EOGT: variants seen among roughly 807,000 people sequenced by gnomAD.
The protein encoded by EOGT is EGF domain specific O-linked N-acetylglucosamine transferase, also known as EGF domain-specific O-linked N-acetylglucosamine transferase.
In EOGT, 55 loss-of-function variants were observed where a neutral mutation model predicts 70.5. That is an observed-to-expected ratio of 0.78 (90% CI 0.63 to 0.98). The LOEUF (loss-of-function observed/expected upper bound fraction) is 0.98, where lower values mean the gene tolerates loss of function less well. Ranked by LOEUF, EOGT falls within the 50% of genes least tolerant of loss-of-function variation. The pLI is 0.00. For missense variants in EOGT, 703 were observed against 641.9 expected (o/e 1.10, Z -1.03); for synonymous variants, 246 against 217.1 (o/e 1.13, Z -1.17).
At chr3:69,004,933 C>T (rs1006979498) in intron 7 of EOGT, among the ~76,000 whole-genome samples, 9 of 151,844 alleles carry the variant, frequency 5.9e-5, no homozygotes, top group South Asian at 4.2e-4. Flanking sequence ...CCTGGCGGTG[C>T]GCTTCTGTAT....
At chr3:68,999,168 G>A (rs1418288478) in intron 9 of EOGT, among the ~76,000 whole-genome samples, 2 of 152,168 alleles carry the variant, frequency 1.3e-5, no homozygotes, top group African/African-American at 2.4e-5. Context: ...AGTTACCTAA[G>A]TGCCAGCTTT....
Position 69,007,800 on chromosome 3 carries a change from A to T in EOGT, c.333T>A (p.Ala111=). 1 of 1,612,326 alleles carries T rather than the reference A, an allele frequency of 6.2e-7. No individual in the cohort carries two copies. The highest frequency in any genetic ancestry group is 1.1e-5 in the South Asian group (1 of 90,940). ...CAGCTTGTTTCCAAAATATGTCCTC[A>T]GCTGACTCAAGAGTGTCCGTCCTAT... ...DMGWTDTLES[A]EDIFWKQADF... is the part of the protein sequence containing the mutation. The change falls in exon 6 of 18, where the codon GCT becomes GCA. Residue 111 remains alanine (A), a synonymous_variant. Transcript: ENST00000383701.
intron 8 of EOGT, among the ~76,000 whole-genome samples, chr3:69,002,496 A>G (rs1169804653): frequency 6.6e-6 from 1 of 152,246 alleles, no homozygotes; most frequent in Admixed American, 6.5e-5. Flanking sequence ...ACTTGAATAT[A>G]GAAACTACCT....
At chr3:69,006,850 T>A (rs1053168541) in intron 6 of EOGT, among the ~76,000 whole-genome samples, 11 of 152,228 alleles carry the variant, frequency 7.2e-5, no homozygotes, top group Admixed American at 2.6e-4. Flanking sequence ...GATGTGTAAT[T>A]AATTTTAAAA....
At chr3:68,992,573 T>C (rs1317119213) in intron 10 of EOGT, among the ~76,000 whole-genome samples, 1 of 152,180 alleles carries the variant, frequency 6.6e-6, no homozygotes, top group Non-Finnish European at 1.5e-5. Flanking sequence ...TCTGCGGCTC[T>C]TCCAGGTGCA....
At chr3:69,005,061 CAA>C (rs11320020) in intron 7 of EOGT, 77 bp downstream of exon 7, 104,109 of 645,888 alleles carry the variant, frequency 0.16, 23 homozygotes, top group Middle Eastern at 0.22. Flanking sequence ...GACCCTGTCT[CAA>C]AAAAAAAAAA....
intron 4 of EOGT, among the ~76,000 whole-genome samples, chr3:69,009,332 T>C (rs1214332093): frequency 6.6e-6 from 1 of 152,210 alleles, no homozygotes; most frequent in Non-Finnish European, 1.5e-5. Context: ...GTGAAATTCT[T>C]TAGTTACTTT....
chr3:68,986,315 A>G (rs2090806254), intron 14 of EOGT, among the ~76,000 whole-genome samples: 1 of 152,108 alleles, frequency 6.6e-6, no homozygotes, highest in South Asian at 2.1e-4. Flanking sequence ...GATTCCAGGG[A>G]TTTGGATGTG....
chr3:68,994,356 C>T (rs141050348), intron 10 of EOGT, among the ~76,000 whole-genome samples: 33 of 152,058 alleles, frequency 2.2e-4, no homozygotes, highest in Non-Finnish European at 3.4e-4. Context: ...AAAGAGAGTC[C>T]TGCAAGGGAC....
intron 6 of EOGT, 66 bp downstream of exon 6, chr3:69,007,647 G>A (rs959472393): frequency 2.1e-5 from 23 of 1,104,998 alleles, no homozygotes; most frequent in East Asian, 8.3e-5. Context: ...CAGAAACTCC[G>A]TCTCAAAAAT....
chr3:69,003,384 G>A (rs140906943), intron 8 of EOGT, among the ~76,000 whole-genome samples: 10 of 152,248 alleles, frequency 6.6e-5, no homozygotes, highest in African/African-American at 1.9e-4. Flanking sequence ...GGAGGCACCC[G>A]GTGGGAGGTA....
chr3:68,977,425 T>C lies in EOGT; in HGVS notation c.*193A>G. On this transcript the variant is annotated 3_prime_UTR_variant, in exon 18 of 18. Transcript: ENST00000383701. The stretch of plus-strand genomic sequence containing the variant: ...TTCAGTGCAAAATTATTGCTATTGA[T>C]AAATAGCAATGACACAAAAACCACA... 1 of 541,368 alleles carries C rather than the reference T, an allele frequency of 1.8e-6. No homozygotes were observed. The highest frequency in any genetic ancestry group is 3.1e-6 in the Non-Finnish European group (1 of 323,222). 33.5% of individuals were successfully genotyped at this position (541,368 alleles called of 1,614,324 possible). A position where few individuals can be genotyped will look rare whatever the true frequency, so the allele number is the denominator to read the frequency against.
At chr3:68,991,410 A>C (rs1379732874) in intron 10 of EOGT, among the ~76,000 whole-genome samples, 1 of 152,248 alleles carries the variant, frequency 6.6e-6, no homozygotes, top group Non-Finnish European at 1.5e-5. Flanking sequence ...TTGAAAGGAC[A>C]TATGTGTTTA....
intron 3 of EOGT, among the ~76,000 whole-genome samples, chr3:69,010,215 C>T (rs1015393770): frequency 4.6e-5 from 7 of 152,192 alleles, no homozygotes; most frequent in African/African-American, 1.2e-4. Context: ...GCAAACTTTT[C>T]CTGTAAAGGA....
chr3:68,992,988 C>T (rs1412916588), intron 10 of EOGT, among the ~76,000 whole-genome samples: 5 of 152,208 alleles, frequency 3.3e-5, no homozygotes, highest in Admixed American at 3.3e-4. Context: ...CTGCATACAG[C>T]ATGGGGACCC....
chr3:68,988,922 T>C lies in EOGT; in HGVS notation c.924+3A>G. 1 of 1,488,920 alleles carries C rather than the reference T, an allele frequency of 6.7e-7. No homozygotes were observed. The highest frequency in any genetic ancestry group is 9.0e-7 in the Non-Finnish European group (1 of 1,111,238). 92.2% of individuals were successfully genotyped at this position (1,488,920 alleles called of 1,614,324 possible). A position where few individuals can be genotyped will look rare whatever the true frequency, so the allele number is the denominator to read the frequency against. ...ACAGACATTTCAGGAAAATTTCCAG[T>C]ACCCTTTTGGAATCATAAGTTTTCA... On this transcript the variant is annotated splice_donor_region_variant and intron_variant, in intron 11 of 17. Transcript: ENST00000383701.
At chr3:69,002,139 C>A (rs1456540689) in intron 8 of EOGT, among the ~76,000 whole-genome samples, 1 of 152,114 alleles carries the variant, frequency 6.6e-6, no homozygotes, top group African/African-American at 2.4e-5. Flanking sequence ...TTGCAGTGAG[C>A]CGAGATGGTG....
intron 3 of EOGT, 80 bp downstream of exon 3, chr3:69,011,856 T>G (rs1297474115): frequency 1.3e-5 from 2 of 152,176 alleles, no homozygotes. Context: ...TATCCAAGAA[T>G]GAGTTGACAG....
Position 68,976,194 on chromosome 3 carries a change from G to A in EOGT, c.*1424C>T, listed in dbSNP as rs2090468779. 1.3e-5 allele frequency: 2 copies of A among 152,116 alleles called. No homozygotes were observed. The highest frequency in any genetic ancestry group is 4.1e-4 in the South Asian group (2 of 4,826). The allele number at this position is 152,116 out of a possible 1,614,324, so 9.4% of individuals were successfully genotyped here. ...TCATTGAATAAGTCACATGTCTTTA[G>A]TTTGTTTTTTCTTGGTCTTACTTTT... On this transcript the variant is annotated 3_prime_UTR_variant, in exon 18 of 18. Transcript: ENST00000383701.
Sources: gnomAD v4.1 joint callset for allele counts (sites outside exome capture counted in the v4.1 genomes callset) on GRCh38, gnomAD v4.1.1 for gene constraint, MANE v1.5 for transcripts, NCBI Gene and HGNC (gene_info 2026-07-23, HGNC 2026-07-21) for gene names.